The following TANK variants were observed in gnomAD, a reference collection of about 807,000 sequenced individuals.
The protein encoded by TANK is TRAF family member associated NFKB activator.
A neutral mutation model predicts 43.6 loss-of-function variants in TANK; 15 were observed. The observed-to-expected ratio is 0.34, with a 90% CI of 0.23 to 0.53. TANK has a LOEUF of 0.53. TANK is among the 20% of genes least tolerant of loss of function. The pLI is 0.94. For synonymous variants in TANK, 162 were observed against 178.2 expected, an observed-to-expected ratio of 0.91 and a Z score of 0.73; for missense variants, 417 against 498.6, an observed-to-expected ratio of 0.84 and a Z score of 1.56.
Position 161,160,502 on chromosome 2 carries a change from T to C in TANK, c.-50+16T>C. The C allele has an allele frequency of 8.0e-7, 1 of 1,255,500 alleles. No homozygotes were observed. Among genetic ancestry groups the C allele is most frequent in the Non-Finnish European group, 1.0e-6 (1 of 998,378 alleles). 77.8% of individuals were successfully genotyped at this position (1,255,500 alleles called of 1,614,324 possible). A position where few individuals can be genotyped will look rare whatever the true frequency, so the allele number is the denominator to read the frequency against. On this transcript the variant is annotated intron_variant, in intron 1 of 7. Transcript: ENST00000392749. ...CGTGAACTGTGTGAGTAAGAAACTT[T>C]GTGAATTGGTGTGTCCGAATCCGTC... is the stretch of plus-strand genomic sequence containing the variant.
chr2:161,147,792 T>G (rs1683959111), intron 1 of TANK, among the ~76,000 whole-genome samples: 1 of 152,196 alleles, frequency 6.6e-6, no homozygotes, highest in Admixed American at 6.5e-5. Context: ...AAACTGTCTT[T>G]TTTTACTTAG....
At chr2:161,139,869 C>T in intron 1 of TANK, 3 of 985,418 alleles carry the variant, frequency 3.0e-6, no homozygotes, top group Non-Finnish European at 3.6e-6. Context: ...GTGCTAGCTG[C>T]AGACCGCAAT....
At chr2:161,144,213 T>A (rs1683836999) in intron 1 of TANK, among the ~76,000 whole-genome samples, 1 of 152,106 alleles carries the variant, frequency 6.6e-6, no homozygotes, top group African/African-American at 2.4e-5. Flanking sequence ...TCTTTTTTAT[T>A]AGTCTAGGTA....
At chr2:161,167,870 C>G (rs544291419) in intron 1 of TANK, among the ~76,000 whole-genome samples, 2 of 152,010 alleles carry the variant, frequency 1.3e-5, no homozygotes, top group Non-Finnish European at 2.9e-5. Flanking sequence ...GTGATACGCT[C>G]GCCTCGGCCT....
intron 4 of TANK, among the ~76,000 whole-genome samples, chr2:161,215,349 C>T (rs1289453065): frequency 6.6e-6 from 1 of 152,148 alleles, no homozygotes; most frequent in Non-Finnish European, 1.5e-5. Context: ...CATGGAGGTC[C>T]TAATGCTTCC....
intron 4 of TANK, chr2:161,219,912 A>G (rs1687268647): frequency 5.8e-6 from 2 of 341,886 alleles, no homozygotes; most frequent in Admixed American, 9.2e-5. Flanking sequence ...AGTGAATTTT[A>G]TCAAGCTAAC....
At chr2:161,162,604 G>C (rs991263483) in intron 1 of TANK, 6 of 152,022 alleles carry the variant, frequency 3.9e-5, no homozygotes, top group African/African-American at 1.4e-4. Context: ...TTGTTTCTTA[G>C]TTTGGGGATG....
At chr2:161,215,783 T>C (rs1240131791) in intron 4 of TANK, among the ~76,000 whole-genome samples, 1 of 152,200 alleles carries the variant, frequency 6.6e-6, no homozygotes, top group South Asian at 2.1e-4. Context: ...ATTTTTCATT[T>C]GCACCTATAC....
chr2:161,149,814 C>G (rs540986854), intron 1 of TANK, among the ~76,000 whole-genome samples: 1 of 151,632 alleles, frequency 6.6e-6, no homozygotes, highest in Non-Finnish European at 1.5e-5. Context: ...TTGAACCACC[C>G]TTGCGTTACA....
intron 1 of TANK, among the ~76,000 whole-genome samples, chr2:161,173,592 C>T (rs1489478794): frequency 1.3e-5 from 2 of 151,842 alleles, no homozygotes; most frequent in Non-Finnish European, 2.9e-5. Flanking sequence ...TCTACAAATG[C>T]TTATACCTGT....
chr2:161,169,148 C>G (rs1684829941), intron 1 of TANK, among the ~76,000 whole-genome samples: 1 of 152,120 alleles, frequency 6.6e-6, no homozygotes, highest in African/African-American at 2.4e-5. Flanking sequence ...TCCCCAAATT[C>G]AAGGTAAAGA....
intron 2 of TANK, among the ~76,000 whole-genome samples, chr2:161,201,778 G>A (rs1260268628): frequency 6.6e-6 from 1 of 152,030 alleles, no homozygotes; most frequent in Admixed American, 6.6e-5. Flanking sequence ...TAGGGGGTTG[G>A]GTGTGAATTT....
intron 4 of TANK, among the ~76,000 whole-genome samples, chr2:161,218,760 G>T (rs1327822373): frequency 2.0e-5 from 3 of 152,164 alleles, no homozygotes; most frequent in Non-Finnish European, 4.4e-5. Context: ...GTTCTTCATG[G>T]TGTAGTGGCA....
chr2:161,149,236 T>A (rs191977654), intron 1 of TANK, among the ~76,000 whole-genome samples: 1 of 152,338 alleles, frequency 6.6e-6, no homozygotes, highest in African/African-American at 2.4e-5. Context: ...CTAGGCATTT[T>A]CTTTTTTGGA....
intron 2 of TANK, chr2:161,180,207 C>T (rs2105296216): frequency 3.0e-6 from 2 of 660,622 alleles, no homozygotes; most frequent in East Asian, 1.4e-4. Flanking sequence ...TTATAATACT[C>T]TTCCATTCTT....
rs145228552 is a variant in TANK at position 161,208,816 on chromosome 2, G to A, written c.327+4023G>A. On this transcript the variant is annotated intron_variant, in intron 4 of 7. Coordinates refer to ENST00000392749, the MANE Select transcript of TANK (RefSeq NM_001199135.3). Reference sequence around the variant, plus strand: ...GAGAGAGAAAGGTGCCCTCTGTGACGTAGTCTCAAAGTCACATTCCTTCAC... The same window carrying A: ...GAGAGAGAAAGGTGCCCTCTGTGACATAGTCTCAAAGTCACATTCCTTCAC... Among the ~76,000 whole-genome samples, 577 of 152,306 alleles carry A rather than the reference G, an allele frequency of 3.8e-3. 6 individuals carry two copies. The highest frequency in any genetic ancestry group is 5.1e-3 in the African/African-American group (211 of 41,566).
At chr2:161,224,149 A>G (rs946909961) in intron 5 of TANK, among the ~76,000 whole-genome samples, 158 bp downstream of exon 5, 1 of 152,022 alleles carries the variant, frequency 6.6e-6, no homozygotes, top group African/African-American at 2.4e-5. Context: ...AAGATGACCT[A>G]AACAAGTCAT....
rs1311478102 is a variant in TANK at position 161,179,697 on chromosome 2, C to T, written c.35C>T (p.Ala12Val). ...DKNIGEQLNK[A>V]YEAFRQACMD... ...AACATTGGCGAGCAACTCAATAAAG[C>T]GTATGAAGCCTTCCGGCAGGCATGC... Residue 12 changes from alanine (A) to valine (V), a missense_variant, in exon 2 of 8, where the codon GCG (alanine) becomes GTG (valine). By Grantham distance (64) the Ala-to-Val change is moderately conservative. Coordinates refer to ENST00000392749, the MANE Select transcript of TANK (RefSeq NM_001199135.3). The T allele has an allele frequency of 3.1e-6, 5 of 1,612,964 alleles. No homozygotes were observed. The highest frequency in any genetic ancestry group is 1.3e-5 in the African/African-American group (1 of 74,956).
At chr2:161,212,692 C>T (rs1686945192) in intron 4 of TANK, 2 of 985,108 alleles carry the variant, frequency 2.0e-6, no homozygotes, top group Non-Finnish European at 2.4e-6. Flanking sequence ...TCACACTTCT[C>T]TTTATTTAAA....
Sources: allele counts gnomAD v4.1 joint callset (sites outside exome capture counted in the v4.1 genomes callset), GRCh38; gene constraint gnomAD v4.1.1; transcripts MANE v1.5; gene names NCBI Gene and HGNC (gene_info 2026-07-23, HGNC 2026-07-21).